Variants in JAKMIP1 observed in about 807,000 individuals in gnomAD.
JAKMIP1 encodes the protein janus kinase and microtubule-interacting protein 1.
A neutral mutation model predicts 113.0 loss-of-function variants in JAKMIP1; 33 were observed. The ratio of observed to expected loss-of-function variants is 0.29; its 90% CI spans 0.22 to 0.39. JAKMIP1 has a LOEUF of 0.39. Among genes scored for constraint, JAKMIP1 ranks in the 10% least tolerant of loss-of-function variants. The pLI, the probability that JAKMIP1 is intolerant of heterozygous loss-of-function variation, is 1.00. For missense variants in JAKMIP1, 813 were observed against 1,080.5 expected (o/e 0.75, Z 3.47); for synonymous variants, 480 against 459.9 (o/e 1.04, Z -0.56).
intron 1 of JAKMIP1, among the ~76,000 whole-genome samples, chr4:6,122,696 TCAG>T (rs1451721989): frequency 6.6e-6 from 1 of 152,194 alleles, no homozygotes; most frequent in African/African-American, 2.4e-5. Context: ...TGTTGTTTCG[TCAG>T]CTGCAAAGCT....
At chr4:6,127,888 G>A (rs1484741223) in intron 1 of JAKMIP1, among the ~76,000 whole-genome samples, 1 of 152,182 alleles carries the variant, frequency 6.6e-6, no homozygotes, top group Non-Finnish European at 1.5e-5. Flanking sequence ...GCTCCTCCGG[G>A]CACTCGGAAG....
At chr4:6,171,374 C>A (rs565817021) in intron 1 of JAKMIP1, among the ~76,000 whole-genome samples, 1 of 150,932 alleles carries the variant, frequency 6.6e-6, no homozygotes, top group African/African-American at 2.4e-5. Context: ...ACCCTCCTTA[C>A]CACCATCACC....
At position 6,129,087 on chromosome 4, in the gene JAKMIP1, C is replaced by T. The variant is rs771072117; in HGVS notation, c.-147-16090G>A. On this transcript the variant is annotated intron_variant, in intron 1 of 20. Transcript: ENST00000409021. This position sits in a 1 kb window ranked among gnomAD's most constrained non-coding sequence, Gnocchi z 5.4. ...AGGTGACAGTACCCCTGGGAGCCCT[C>T]TTTGGATGCCTGCTGGATGATGAAG... Among the ~76,000 whole-genome samples the T allele has an allele frequency of 3.9e-5, 6 of 152,222 alleles. No individual in the cohort carries two copies. Among genetic ancestry groups the T allele is most frequent in the Non-Finnish European group, 5.9e-5 (4 of 68,040 alleles).
Position 6,158,425 on chromosome 4 carries a change from C to T in JAKMIP1, c.-148+41828G>A, listed in dbSNP as rs566126764. 5.5e-4 allele frequency among the ~76,000 whole-genome samples: 84 copies of T among 152,256 alleles called. No individual in the cohort carries two copies. Among genetic ancestry groups the T allele is most frequent in the South Asian group, 3.1e-3 (15 of 4,820 alleles). On this transcript the variant is annotated intron_variant, in intron 1 of 20. Coordinates refer to ENST00000409021, the MANE Select transcript of JAKMIP1 (RefSeq NM_001099433.2). This position sits in a 1 kb window ranked among gnomAD's most constrained non-coding sequence, Gnocchi z 5.3. ...AAGGCTTCCAGAGGCAGGACCCCTG[C>T]GATGTTCACCTGGCCACCCACAGCA...
chr4:6,117,087 C>T (rs1715897554), intron 1 of JAKMIP1, among the ~76,000 whole-genome samples: 1 of 152,244 alleles, frequency 6.6e-6, no homozygotes, highest in Non-Finnish European at 1.5e-5. Context: ...CAGGACAGCA[C>T]AGCTCGTGTG....
intron 11 of JAKMIP1, among the ~76,000 whole-genome samples, chr4:6,058,445 T>C (rs1310345177): frequency 6.6e-6 from 1 of 152,234 alleles, no homozygotes; most frequent in African/African-American, 2.4e-5. Context: ...CTCAAGCATG[T>C]CCCAGCTCGC....
In JAKMIP1 at chr4:6,080,984, T is replaced by TTTACACACACACACAC. The variant is rs71640240; in HGVS notation, c.1101+624_1101+625insGTGTGTGTGTGTGTAA. Among the ~76,000 whole-genome samples the TTTACACACACACACAC allele has an allele frequency of 7.1e-6, 1 of 140,982 alleles. No individual in the cohort carries two copies. Among genetic ancestry groups the TTTACACACACACACAC allele is most frequent in the Non-Finnish European group, 1.5e-5 (1 of 66,100 alleles). The allele number at this position is 140,982 out of a possible 152,430, so 92.5% of individuals were successfully genotyped here. On this transcript the variant is annotated intron_variant, in intron 6 of 20. Transcript: ENST00000409021. The surrounding 1 kb of genome is among the most constrained non-coding windows in gnomAD (Gnocchi z 6.0). The stretch of plus-strand genomic sequence containing the variant: ...GGAGAGGACTTCACACAACAGCAAT[T>TTTACACACACACACAC]ACACACACACACACACACACACACA...
At position 6,029,778 on chromosome 4, in the gene JAKMIP1, T is replaced by C; in HGVS notation, c.2383A>G (p.Ile795Val). The C allele has an allele frequency of 1.2e-6, 2 of 1,600,556 alleles. No individual in the cohort carries two copies. The change falls in exon 20 of 21, where the codon ATC becomes GTC. Residue 795 changes from isoleucine to valine, a missense_variant. Physicochemically the swap from Ile to Val is conservative, Grantham distance 29. Transcript: ENST00000409021. Reference sequence around the variant, plus strand: ...TCCAGTTTGTCCTCCAGTTCTCGGATTCTCTGAAATACACCAGGTTACGTG... The same window carrying C: ...TCCAGTTTGTCCTCCAGTTCTCGGACTCTCTGAAATACACCAGGTTACGTG... ...MELLQQAQQR[I>V]RELEDKLEFQ...
chr4:6,184,428 C>T lies in JAKMIP1; in HGVS notation c.-148+15825G>A, dbSNP rs564708534. Among the ~76,000 whole-genome samples, 10 of 152,272 alleles carry T rather than the reference C, an allele frequency of 6.6e-5. No individual in the cohort carries two copies. Among genetic ancestry groups the T allele is most frequent in the Admixed American group, 1.3e-4 (2 of 15,300 alleles). On this transcript the variant is annotated intron_variant, in intron 1 of 20. Transcript: ENST00000409021. The surrounding 1 kb of genome is among the most constrained non-coding windows in gnomAD (Gnocchi z 4.5). ...TCCTTTCCTAGAAATGACAATACAGCCCACACTCAGCATCACAAGGAGGGA... is the reference window on the plus strand; with the variant it reads ...TCCTTTCCTAGAAATGACAATACAGTCCACACTCAGCATCACAAGGAGGGA...
Position 6,168,132 on chromosome 4 carries a change from CACA to C in JAKMIP1, c.-148+32118_-148+32120del, listed in dbSNP as rs1445791881. Among the ~76,000 whole-genome samples, 24 of 152,308 alleles carry C rather than the reference CACA, an allele frequency of 1.6e-4. No homozygotes were observed. The highest frequency in any genetic ancestry group is 4.1e-4 in the South Asian group (2 of 4,828). Reference sequence around the variant, plus strand: ...CAGGACGGCTGCAATCAAAAAAGCGCACAACAACAAGTGTGGGTGAGCATGTGG... The same window carrying C: ...CAGGACGGCTGCAATCAAAAAAGCGCACAACAAGTGTGGGTGAGCATGTGG... On this transcript the variant is annotated intron_variant, in intron 1 of 20. Transcript: ENST00000409021. This position sits in a 1 kb window ranked among gnomAD's most constrained non-coding sequence, Gnocchi z 4.6.
At position 6,116,723 on chromosome 4, in the gene JAKMIP1, G is replaced by A. The variant is rs960523968; in HGVS notation, c.-147-3726C>T. 5.3e-5 allele frequency among the ~76,000 whole-genome samples: 8 copies of A among 152,230 alleles called. No homozygotes were observed. Among genetic ancestry groups the A allele is most frequent in the Non-Finnish European group, 1.2e-4 (8 of 68,044 alleles). The stretch of plus-strand genomic sequence containing the variant: ...TACAGGAAATTAATATACCGGGCAT[G>A]CAGGAGGACCAGACAAGGTCCCAGC... On this transcript the variant is annotated intron_variant, in intron 1 of 20. Transcript: ENST00000409021. This position sits in a 1 kb window ranked among gnomAD's most constrained non-coding sequence, Gnocchi z 5.1.
At chr4:6,030,352 G>A (rs1712457040) in intron 19 of JAKMIP1, among the ~76,000 whole-genome samples, 2 of 152,096 alleles carry the variant, frequency 1.3e-5, no homozygotes, top group Admixed American at 6.5e-5. Context: ...CAGGGTGACC[G>A]ACAGACCCGG....
intron 1 of JAKMIP1, among the ~76,000 whole-genome samples, chr4:6,175,995 T>C (rs938698010): frequency 1.3e-5 from 2 of 152,212 alleles, no homozygotes; most frequent in Non-Finnish European, 2.9e-5. Context: ...CCTTGCTCAT[T>C]ATAAACACAA....
rs919502012 is a variant in JAKMIP1, at chr4:6,094,359, C to T, written c.625-8730G>A. On this transcript the variant is annotated intron_variant, in intron 3 of 20. Coordinates refer to ENST00000409021, the MANE Select transcript of JAKMIP1 (RefSeq NM_001099433.2). The surrounding 1 kb of genome is among the most constrained non-coding windows in gnomAD (Gnocchi z 4.2). The stretch of plus-strand genomic sequence containing the variant: ...TCTCCCAGCTGCCTGAAGCTTGATG[C>T]GAAAGGGCCACTGAGAAGGCCAGAA... 2.0e-5 allele frequency among the ~76,000 whole-genome samples: 3 copies of T among 152,168 alleles called. No homozygotes were observed. Among genetic ancestry groups the T allele is most frequent in the Non-Finnish European group, 2.9e-5 (2 of 68,032 alleles).
Position 6,064,979 on chromosome 4 carries a change from A to G in JAKMIP1, c.1332T>C (p.Phe444=). ...TTTCTGAGTCCACAGACTCCTCATCAAATCCAAAAAATGTCTCCACAACAT... is the reference window on the plus strand; with the variant it reads ...TTTCTGAGTCCACAGACTCCTCATCGAATCCAAAAAATGTCTCCACAACAT... ...KKHVVETFFG[F]DEESVDSETL... is the part of the protein sequence containing the mutation. Residue 444 remains phenylalanine, a synonymous_variant, in exon 9 of 21, where the codon TTT becomes TTC. Transcript: ENST00000409021. This position sits in a 1 kb window ranked among gnomAD's most constrained non-coding sequence, Gnocchi z 4.3. 1 of 1,614,170 alleles carries G rather than the reference A, an allele frequency of 6.2e-7. No homozygotes were observed. The highest frequency in any genetic ancestry group is 1.7e-5 in the Admixed American group (1 of 60,024).
chr4:6,158,984 G>A lies in JAKMIP1; in HGVS notation c.-148+41269C>T, dbSNP rs1722583787. On this transcript the variant is annotated intron_variant, in intron 1 of 20. Transcript: ENST00000409021. The surrounding 1 kb of genome is among the most constrained non-coding windows in gnomAD (Gnocchi z 5.3). ...TGCACCTATAGTCCCAGCTATTCAA[G>A]AGGCTGAGGTAGGAAGATAGCTTGA... Among the ~76,000 whole-genome samples the A allele has an allele frequency of 6.6e-6, 1 of 151,900 alleles. No homozygotes were observed. Among genetic ancestry groups the A allele is most frequent in the African/African-American group, 2.4e-5 (1 of 41,346 alleles).
In JAKMIP1 at chr4:6,036,096, G is replaced by A. The variant is rs1560628038; in HGVS notation, c.2187C>T (p.Asp729=). 1.3e-6 allele frequency: 2 copies of A among 1,550,730 alleles called. No homozygotes were observed. Reference sequence around the variant, plus strand: ...GCGCTGTGTACAGTGTGGCCTCCAGGTCTTGGATTTTCTGAGGACCCCAGA... The same window carrying A: ...GCGCTGTGTACAGTGTGGCCTCCAGATCTTGGATTTTCTGAGGACCCCAGA... ...ALDQAYLKIQ[D]LEATLYTALQ... The change falls in exon 19 of 21, where the codon GAC becomes GAT. Residue 729 remains aspartate, a synonymous_variant. Transcript: ENST00000409021.
At chr4:6,147,434 T>G (rs781456760) in intron 1 of JAKMIP1, among the ~76,000 whole-genome samples, 43 of 152,142 alleles carry the variant, frequency 2.8e-4, no homozygotes, top group Non-Finnish European at 5.1e-4. Context: ...AATGGCCTGG[T>G]GAATTAATAG....
intron 18 of JAKMIP1, among the ~76,000 whole-genome samples, chr4:6,036,780 TC>T (rs1713504146): frequency 6.6e-6 from 1 of 152,216 alleles, no homozygotes; most frequent in African/African-American, 2.4e-5. Flanking sequence ...GACAATTACC[TC>T]CTTTTCTGCC....
Sources: allele counts gnomAD v4.1 joint callset (sites outside exome capture counted in the v4.1 genomes callset), GRCh38; gene constraint gnomAD v4.1.1; non-coding constraint Gnocchi (gnomAD v3.1); transcripts MANE v1.5; gene names NCBI Gene and HGNC (gene_info 2026-07-23, HGNC 2026-07-21).